The following NAALADL2 variants were observed in gnomAD, a reference collection of about 807,000 sequenced individuals.
NAALADL2 encodes the protein inactive N-acetylated-alpha-linked acidic dipeptidase-like protein 2.
A neutral mutation model predicts 87.2 loss-of-function variants in NAALADL2; 76 were observed. The ratio of observed to expected loss-of-function variants is 0.87; its 90% CI spans 0.72 to 1.05. NAALADL2 has a LOEUF of 1.05. Among genes scored for constraint, NAALADL2 ranks in the 50% least tolerant of loss-of-function variants. The pLI is 0.00. For missense variants in NAALADL2, 1,089 were observed against 945.8 expected, an observed-to-expected ratio of 1.15 and a Z score of -1.99; for synonymous variants, 354 against 331.0, an observed-to-expected ratio of 1.07 and a Z score of -0.75.
At chr3:174,968,264 C>A (rs1298638693) in intron 1 of NAALADL2, among the ~76,000 whole-genome samples, 1 of 152,088 alleles carries the variant, frequency 6.6e-6, no homozygotes, top group Admixed American at 6.6e-5. Context: ...AAACAACTAA[C>A]TTTTATTAAG....
intron 2 of NAALADL2, among the ~76,000 whole-genome samples, chr3:174,715,796 A>AG (rs1202738529): frequency 8.5e-5 from 13 of 152,206 alleles, no homozygotes; most frequent in Admixed American, 5.2e-4. Flanking sequence ...TCTGGGATAG[A>AG]GGGGTGGTGT....
At chr3:174,697,457 T>G (rs376558171) in intron 2 of NAALADL2, among the ~76,000 whole-genome samples, 15 of 152,254 alleles carry the variant, frequency 9.9e-5, no homozygotes, top group African/African-American at 3.1e-4. Flanking sequence ...GTAAGTCACA[T>G]TAGTTCAGCT....
chr3:175,252,703 G>A (rs1306960919), intron 3 of NAALADL2, among the ~76,000 whole-genome samples: 1 of 152,186 alleles, frequency 6.6e-6, no homozygotes, highest in South Asian at 2.1e-4. Context: ...CAGCCAAGTT[G>A]TGAATGCTAA....
chr3:174,589,127 T>G (rs1253974688), intron 2 of NAALADL2, among the ~76,000 whole-genome samples: 2 of 152,178 alleles, frequency 1.3e-5, no homozygotes, highest in African/African-American at 4.8e-5. Flanking sequence ...GATCTCAGAC[T>G]ACTGTGCTAG....
chr3:174,979,463 G>C (rs994060672), intron 1 of NAALADL2, among the ~76,000 whole-genome samples: 7 of 151,336 alleles, frequency 4.6e-5, no homozygotes, highest in African/African-American at 1.7e-4. Context: ...CTGCCACCAC[G>C]CCCGGCTAAT....
rs114248135 is a variant in NAALADL2 at position 174,477,239 on chromosome 3, C to A, written c.-184+36207C>A. Among the ~76,000 whole-genome samples the A allele has an allele frequency of 5.3e-3, 813 of 152,096 alleles. 6 individuals are homozygous for A. The highest frequency in any genetic ancestry group is 0.041 in the East Asian group (210 of 5,176). On this transcript the variant is annotated intron_variant, in intron 1 of 3. Coordinates refer to the NAALADL2 transcript ENST00000434257. ...TTTGTCCTATAACTAGAGTTTAGGC[C>A]AAATATCATTTGCTATAGAGCTAGG...
chr3:175,406,646 C>T (rs1712430334), intron 5 of NAALADL2, among the ~76,000 whole-genome samples: 1 of 152,098 alleles, frequency 6.6e-6, no homozygotes, highest in Admixed American at 6.5e-5. Context: ...CATAATACTA[C>T]TTATTACATA....
At chr3:175,402,754 A>G (rs1370848665) in intron 5 of NAALADL2, among the ~76,000 whole-genome samples, 1 of 151,848 alleles carries the variant, frequency 6.6e-6, no homozygotes. Flanking sequence ...CCTTTGTAAT[A>G]CACTCCCTCT....
rs192986754 is a variant in NAALADL2, at chr3:175,697,410, C to G, written c.1897-39896C>G. Among the ~76,000 whole-genome samples, 355 of 151,298 alleles carry G rather than the reference C, an allele frequency of 2.3e-3. 1 individual carries two copies. The highest frequency in any genetic ancestry group is 8.2e-3 in the African/African-American group (336 of 41,162). ...CTAAAGCTGCACACAGACACACACA[C>G]ACACACACACACACACACACACAAA... On this transcript the variant is annotated intron_variant, in intron 11 of 13. Transcript: ENST00000454872.
intron 10 of NAALADL2, among the ~76,000 whole-genome samples, chr3:175,578,267 A>G (rs1031474742): frequency 1.3e-5 from 2 of 152,046 alleles, no homozygotes; most frequent in Non-Finnish European, 2.9e-5. Flanking sequence ...ACGCAATAAT[A>G]CAAAAATCAG....
At chr3:174,794,677 ATTT>A (rs1405826677) in intron 3 of NAALADL2, among the ~76,000 whole-genome samples, 8 of 152,124 alleles carry the variant, frequency 5.3e-5, no homozygotes, top group Middle Eastern at 3.2e-3. Flanking sequence ...TAAACTTTTT[ATTT>A]TAAAAACATG....
At chr3:175,325,102 C>G (rs998613161) in intron 5 of NAALADL2, among the ~76,000 whole-genome samples, 1 of 152,174 alleles carries the variant, frequency 6.6e-6, no homozygotes, top group African/African-American at 2.4e-5. Flanking sequence ...AGTAATTAAA[C>G]TAACCCAAAA....
intron 1 of NAALADL2, among the ~76,000 whole-genome samples, chr3:175,043,567 A>G (rs568356656): frequency 6.6e-6 from 1 of 152,234 alleles, no homozygotes; most frequent in African/African-American, 2.4e-5. Flanking sequence ...TTTTAAGTTG[A>G]TTAAGGATCC....
chr3:175,629,802 T>G (rs1189628466), intron 11 of NAALADL2, among the ~76,000 whole-genome samples: 1 of 151,726 alleles, frequency 6.6e-6, no homozygotes, highest in Non-Finnish European at 1.5e-5. Flanking sequence ...ATCCCGAACA[T>G]ATGCAATTGT....
chr3:174,618,549 A>G (rs1263562726), intron 2 of NAALADL2, among the ~76,000 whole-genome samples: 1 of 151,868 alleles, frequency 6.6e-6, no homozygotes, highest in Non-Finnish European at 1.5e-5. Flanking sequence ...TAACAAGCTC[A>G]GAACTCAACC....
intron 5 of NAALADL2, among the ~76,000 whole-genome samples, chr3:175,348,659 G>A (rs1464167335): frequency 6.6e-6 from 1 of 152,124 alleles, no homozygotes; most frequent in Non-Finnish European, 1.5e-5. Flanking sequence ...CCCCATGGCT[G>A]TGTTCCTTCT....
At chr3:174,457,955 A>G (rs533542955) in intron 1 of NAALADL2, among the ~76,000 whole-genome samples, 1 of 152,304 alleles carries the variant, frequency 6.6e-6, no homozygotes, top group African/African-American at 2.4e-5. Context: ...ACGTGGACAC[A>G]TAGAGGTGAA....
At position 175,236,613 on chromosome 3, in the gene NAALADL2, T is replaced by C. The variant is rs148279571; in HGVS notation, c.819+2409T>C. On this transcript the variant is annotated intron_variant, in intron 3 of 13. Transcript: ENST00000454872. Reference sequence around the variant, plus strand: ...TATATTAACAGATATTGTATACTTCTAATTTCTGATTCATACTCACTACCA... The same window carrying C: ...TATATTAACAGATATTGTATACTTCCAATTTCTGATTCATACTCACTACCA... Among the ~76,000 whole-genome samples, 14 of 151,402 alleles carry C rather than the reference T, an allele frequency of 9.2e-5. 1 individual carries two copies. The highest frequency in any genetic ancestry group is 3.5e-3 in the Middle Eastern group (1 of 284).
intron 3 of NAALADL2, among the ~76,000 whole-genome samples, chr3:174,785,213 G>A (rs1716500049): frequency 6.6e-6 from 1 of 152,070 alleles, no homozygotes; most frequent in Non-Finnish European, 1.5e-5. Flanking sequence ...AGTATTTACT[G>A]TTGCCATCCC....
Sources: gnomAD v4.1 joint callset for allele counts (sites outside exome capture counted in the v4.1 genomes callset) on GRCh38, gnomAD v4.1.1 for gene constraint, MANE v1.5 for transcripts, NCBI Gene and HGNC (gene_info 2026-07-23, HGNC 2026-07-21) for gene names.